PBX3: variants seen among roughly 807,000 people sequenced by gnomAD.
PBX3 encodes the protein pre-B-cell leukemia transcription factor 3.
Under a neutral mutation model 48.5 loss-of-function variants are expected in PBX3, and 14 were observed. The ratio of observed to expected loss-of-function variants is 0.29; its 90% CI spans 0.19 to 0.45. The LOEUF is 0.45. Ranked by LOEUF, PBX3 falls within the 20% of genes least tolerant of loss-of-function variation. The pLI is 1.00. For missense variants in PBX3, 386 were observed against 546.7 expected, an observed-to-expected ratio of 0.71 and a Z score of 2.93; for synonymous variants, 210 against 200.3, an observed-to-expected ratio of 1.05 and a Z score of -0.41.
At chr9:125,769,332 A>G (rs146629320) in intron 2 of PBX3, among the ~76,000 whole-genome samples, 125 of 152,350 alleles carry the variant, frequency 8.2e-4, no homozygotes, top group African/African-American at 2.7e-3. Context: ...TTACTGTGAA[A>G]ATAATTTTAA....
chr9:125,838,457 T>C (rs1178992837), intron 2 of PBX3, among the ~76,000 whole-genome samples: 1 of 152,240 alleles, frequency 6.6e-6, no homozygotes, highest in Non-Finnish European at 1.5e-5. Flanking sequence ...GCTTTCCATT[T>C]GTAATTACTC....
intron 2 of PBX3, among the ~76,000 whole-genome samples, chr9:125,908,400 G>C (rs536038140): frequency 1.3e-5 from 2 of 152,182 alleles, no homozygotes; most frequent in South Asian, 4.1e-4. Flanking sequence ...TCTTCAGGGA[G>C]AAAAGGCAAG....
At position 125,793,364 on chromosome 9, in the gene PBX3, A is replaced by AT. The variant is rs1263966407; in HGVS notation, c.274+44741_274+44742insT. Among the ~76,000 whole-genome samples the AT allele has an allele frequency of 1.9e-3, 111 of 59,104 alleles. 3 individuals are homozygous for AT. The highest frequency in any genetic ancestry group is 5.5e-3 in the African/African-American group (101 of 18,404). 38.8% of individuals were successfully genotyped at this position (59,104 alleles called of 152,430 possible). On this transcript the variant is annotated intron_variant, in intron 2 of 8. Coordinates refer to ENST00000373489, the MANE Select transcript of PBX3 (RefSeq NM_006195.6). ...GAGACTCCATTTGGGGGGGAAAAAA[A>AT]AAATATATATATATATATATATATA...
At chr9:125,901,065 C>T (rs990871383) in intron 2 of PBX3, among the ~76,000 whole-genome samples, 2 of 151,664 alleles carry the variant, frequency 1.3e-5, no homozygotes, top group Non-Finnish European at 3.0e-5. Flanking sequence ...TTGACACTAT[C>T]CCAGAATTAT....
chr9:125,825,279 G>A (rs536915659), intron 2 of PBX3, among the ~76,000 whole-genome samples: 2 of 151,744 alleles, frequency 1.3e-5, no homozygotes, highest in South Asian at 4.2e-4. Flanking sequence ...GTGAGACTCT[G>A]TCCCCCGCAA....
rs60669435 is a variant in PBX3, at chr9:125,757,283, TAA to T, written c.274+8669_274+8670del. Among the ~76,000 whole-genome samples, 253 of 149,692 alleles carry T rather than the reference TAA, an allele frequency of 1.7e-3. 1 individual carries two copies. The highest frequency in any genetic ancestry group is 5.2e-3 in the African/African-American group (212 of 41,028). ...TTCTCCTCCCACCATTGTTTTTTTT[TAA>T]AAAAAAAACTACAGGTGAAGGTTGT... On this transcript the variant is annotated intron_variant, in intron 2 of 8. Transcript: ENST00000373489.
chr9:125,871,917 A>C (rs906057650), intron 2 of PBX3, among the ~76,000 whole-genome samples: 1 of 152,212 alleles, frequency 6.6e-6, no homozygotes, highest in Non-Finnish European at 1.5e-5. Flanking sequence ...AGACCTAGGT[A>C]GTGGTTACAT....
At chr9:125,881,221 C>G (rs1472057744) in intron 2 of PBX3, among the ~76,000 whole-genome samples, 1 of 152,168 alleles carries the variant, frequency 6.6e-6, no homozygotes, top group Non-Finnish European at 1.5e-5. Context: ...CCCTAATTAG[C>G]CAGATCAAGG....
chr9:125,753,935 T>A (rs1836444905), intron 2 of PBX3, among the ~76,000 whole-genome samples: 1 of 152,120 alleles, frequency 6.6e-6, no homozygotes. Flanking sequence ...ATTAGTTGGA[T>A]TATTTATATT....
intron 2 of PBX3, among the ~76,000 whole-genome samples, chr9:125,857,503 ATATAATCCCTCTC>A (rs1268431384): frequency 6.6e-6 from 1 of 152,142 alleles, no homozygotes; most frequent in Non-Finnish European, 1.5e-5. Flanking sequence ...AACCATTTAC[ATATAATCCCTCTC>A]TCCCATCTGA....
chr9:125,756,673 A>G (rs1588118823), intron 2 of PBX3, among the ~76,000 whole-genome samples: 1 of 152,198 alleles, frequency 6.6e-6, no homozygotes, highest in African/African-American at 2.4e-5. Context: ...CCATGCATGC[A>G]TACTACCAAG....
At chr9:125,856,022 CATATA>C (rs558768065) in intron 2 of PBX3, among the ~76,000 whole-genome samples, 24 of 151,728 alleles carry the variant, frequency 1.6e-4, no homozygotes, top group Admixed American at 1.2e-3. Flanking sequence ...TTTTTATGGA[CATATA>C]ATATAAATAG....
intron 5 of PBX3, among the ~76,000 whole-genome samples, chr9:125,938,524 A>T (rs2132537950): frequency 6.6e-6 from 1 of 152,316 alleles, no homozygotes; most frequent in Non-Finnish European, 1.5e-5. Context: ...TGACCAAGTG[A>T]TTGGAATCAA....
At chr9:125,893,562 T>C (rs1440610517) in intron 2 of PBX3, among the ~76,000 whole-genome samples, 1 of 151,050 alleles carries the variant, frequency 6.6e-6, no homozygotes, top group Admixed American at 6.6e-5. Flanking sequence ...TGAGAAATTA[T>C]TTGATCAAAT....
intron 2 of PBX3, among the ~76,000 whole-genome samples, chr9:125,808,286 ATTAC>A (rs1300763626): frequency 6.6e-6 from 1 of 152,210 alleles, no homozygotes; most frequent in African/African-American, 2.4e-5. Context: ...CTAAAAAATT[ATTAC>A]TTGACAGAAT....
At chr9:125,794,827 G>A (rs1452967732) in intron 2 of PBX3, among the ~76,000 whole-genome samples, 1 of 151,554 alleles carries the variant, frequency 6.6e-6, no homozygotes, top group African/African-American at 2.4e-5. Flanking sequence ...ATTAAGCACT[G>A]TTCAGTGTGT....
chr9:125,871,549 A>G (rs1390931266), intron 2 of PBX3, among the ~76,000 whole-genome samples: 1 of 152,212 alleles, frequency 6.6e-6, no homozygotes, highest in East Asian at 1.9e-4. Context: ...AGAGCAAGGT[A>G]TAACAGAAAA....
intron 6 of PBX3, among the ~76,000 whole-genome samples, chr9:125,961,329 C>A (rs1387014856): frequency 6.6e-6 from 1 of 152,172 alleles, no homozygotes; most frequent in Non-Finnish European, 1.5e-5. Context: ...GCGGGGCTGA[C>A]GGCATGCTCA....
chr9:125,821,427 G>A lies in PBX3; in HGVS notation c.274+72804G>A, dbSNP rs527464794. On this transcript the variant is annotated intron_variant, in intron 2 of 8. Coordinates refer to ENST00000373489, the MANE Select transcript of PBX3 (RefSeq NM_006195.6). ...AACAATGGACTTTAGTTGAAAGAAA[G>A]AATCTTTTTTAAAGGAAAGGATTAA... is the stretch of plus-strand genomic sequence containing the variant. Among the ~76,000 whole-genome samples the A allele has an allele frequency of 8.5e-5, 13 of 152,094 alleles. No individual in the cohort carries two copies. In the South Asian group the frequency reaches 2.7e-3, roughly 31 times the overall value.
Sources: gnomAD v4.1 joint callset for allele counts (sites outside exome capture counted in the v4.1 genomes callset) on GRCh38, gnomAD v4.1.1 for gene constraint, MANE v1.5 for transcripts, NCBI Gene and HGNC (gene_info 2026-07-23, HGNC 2026-07-21) for gene names.